Variants in KCNAB1 observed in about 807,000 individuals in gnomAD.
The protein encoded by KCNAB1 is potassium voltage-gated channel subfamily A regulatory beta subunit 1.
KCNAB1 carries 35 observed loss-of-function variants against 64.6 expected under a neutral mutation model. That is an observed-to-expected ratio of 0.54 (90% CI 0.41 to 0.72). The LOEUF (loss-of-function observed/expected upper bound fraction) is 0.72. Ranked by LOEUF, KCNAB1 falls within the 30% of genes least tolerant of loss-of-function variation. The pLI is 0.00. For missense variants in KCNAB1, 401 were observed against 512.9 expected (o/e 0.78, Z 2.11); for synonymous variants, 177 against 183.8 (o/e 0.96, Z 0.30).
intron 1 of KCNAB1, among the ~76,000 whole-genome samples, chr3:156,351,508 C>T (rs1247225557): frequency 1.3e-5 from 2 of 152,210 alleles, no homozygotes; most frequent in Admixed American, 1.3e-4. Flanking sequence ...CATTGCCCCC[C>T]AATTTCTTTT....
intron 1 of KCNAB1, among the ~76,000 whole-genome samples, chr3:156,300,057 A>G (rs562217777): frequency 3.0e-4 from 46 of 152,304 alleles, no homozygotes; most frequent in African/African-American, 9.4e-4. Context: ...AACCAAGGGC[A>G]CAGCAACAAG....
At chr3:156,467,872 G>T (rs1194521775) in intron 7 of KCNAB1, among the ~76,000 whole-genome samples, 1 of 152,028 alleles carries the variant, frequency 6.6e-6, no homozygotes, top group Non-Finnish European at 1.5e-5. Context: ...AGATGAGCTG[G>T]TCTTATTTAT....
At chr3:156,258,139 A>G (rs1028735415) in intron 1 of KCNAB1, among the ~76,000 whole-genome samples, 3 of 152,212 alleles carry the variant, frequency 2.0e-5, no homozygotes, top group East Asian at 1.9e-4. Flanking sequence ...TTAGAGTCAC[A>G]TGACCAACCC....
At chr3:156,226,711 A>AAAAAT (rs1553825096) in intron 1 of KCNAB1, among the ~76,000 whole-genome samples, 1 of 151,416 alleles carries the variant, frequency 6.6e-6, no homozygotes, top group Non-Finnish European at 1.5e-5. Flanking sequence ...AAGAAAAAGA[A>AAAAAT]AAAAGAAAAG....
chr3:156,439,213 GCAT>G (rs1327404069), intron 2 of KCNAB1, among the ~76,000 whole-genome samples: 1 of 137,332 alleles, frequency 7.3e-6, no homozygotes, highest in African/African-American at 2.8e-5. Flanking sequence ...GTGTTAATTT[GCAT>G]CATTGTGATT....
At chr3:156,283,835 C>A (rs1189776497) in intron 1 of KCNAB1, among the ~76,000 whole-genome samples, 21 of 152,054 alleles carry the variant, frequency 1.4e-4, no homozygotes, top group Non-Finnish European at 2.2e-4. Context: ...TTAAGCACTT[C>A]TCTGTATTGT....
chr3:156,422,742 C>T (rs1183892625), intron 2 of KCNAB1, among the ~76,000 whole-genome samples: 6 of 152,164 alleles, frequency 3.9e-5, no homozygotes. Flanking sequence ...AGCCCGGATC[C>T]TGGATGAGAG....
chr3:156,333,361 C>T (rs1008550742), intron 1 of KCNAB1, among the ~76,000 whole-genome samples: 4 of 151,164 alleles, frequency 2.6e-5, no homozygotes, highest in Non-Finnish European at 5.9e-5. Flanking sequence ...CACACACACA[C>T]GTGTATAGCT....
intron 1 of KCNAB1, among the ~76,000 whole-genome samples, chr3:156,314,585 G>A (rs1249023890): frequency 6.6e-6 from 1 of 152,222 alleles, no homozygotes; most frequent in Non-Finnish European, 1.5e-5. Context: ...ATGGCCCTGA[G>A]CCAAGATCTT....
Position 156,281,830 on chromosome 3 carries a change from A to G in KCNAB1, c.276-139786A>G, listed in dbSNP as rs1719745909. 2.0e-5 allele frequency among the ~76,000 whole-genome samples: 3 copies of G among 148,658 alleles called. No individual in the cohort carries two copies. The South Asian group carries it at 6.7e-4, about 33-fold the overall frequency. On this transcript the variant is annotated intron_variant, in intron 1 of 13. Transcript: ENST00000490337. ...GGTGATATCCCCTTTATCATTTTTTATTGCGTCTATTTGATTCTTCTCTCT... is the reference window on the plus strand; with the variant it reads ...GGTGATATCCCCTTTATCATTTTTTGTTGCGTCTATTTGATTCTTCTCTCT...
intron 2 of KCNAB1, among the ~76,000 whole-genome samples, chr3:156,451,210 G>A (rs1711979033): frequency 6.6e-6 from 1 of 152,184 alleles, no homozygotes; most frequent in Non-Finnish European, 1.5e-5. Context: ...ATACCAAGTG[G>A]ATCAACAGCA....
intron 1 of KCNAB1, among the ~76,000 whole-genome samples, chr3:156,145,935 G>A (rs1322823588): frequency 6.6e-6 from 1 of 152,136 alleles, no homozygotes; most frequent in Non-Finnish European, 1.5e-5. Flanking sequence ...ACCCACAGTA[G>A]TTCACAATCT....
At chr3:156,412,364 G>A (rs985294264) in intron 1 of KCNAB1, among the ~76,000 whole-genome samples, 1 of 152,176 alleles carries the variant, frequency 6.6e-6, no homozygotes, top group East Asian at 1.9e-4. Context: ...AATGCCTTCT[G>A]TCTTGCCTTA....
intron 1 of KCNAB1, among the ~76,000 whole-genome samples, chr3:156,233,658 GCTC>G (rs1716670052): frequency 6.6e-6 from 1 of 152,148 alleles, no homozygotes; most frequent in Non-Finnish European, 1.5e-5. Context: ...CTGTTAGAAA[GCTC>G]CTGCTGCCAT....
rs925541117 is a variant in KCNAB1 at position 156,297,038 on chromosome 3, A to G, written c.276-124578A>G. Among the ~76,000 whole-genome samples the G allele has an allele frequency of 2.6e-5, 4 of 152,136 alleles. No individual in the cohort carries two copies. The East Asian group carries it at 5.8e-4, about 22-fold the overall frequency. ...ATTTTTGTCTGCATGTTGTATGCCTATGTATATTTATCACATGTATAGATT... is the reference window on the plus strand; with the variant it reads ...ATTTTTGTCTGCATGTTGTATGCCTGTGTATATTTATCACATGTATAGATT... On this transcript the variant is annotated intron_variant, in intron 1 of 13. Transcript: ENST00000490337.
intron 5 of KCNAB1, 36 bp downstream of exon 5, chr3:156,459,907 G>C: frequency 6.6e-7 from 1 of 1,516,530 alleles, no homozygotes; most frequent in African/African-American, 1.4e-5. Flanking sequence ...TTTTTAAAAA[G>C]GTATTATTTT....
intron 4 of KCNAB1, among the ~76,000 whole-genome samples, 175 bp downstream of exon 4, chr3:156,457,707 G>A (rs565469037): frequency 6.6e-6 from 1 of 152,154 alleles, no homozygotes; most frequent in South Asian, 2.1e-4. Flanking sequence ...GACTGTCTCT[G>A]GCACTCTCTG....
At chr3:156,228,137 A>T (rs1484107786) in intron 1 of KCNAB1, among the ~76,000 whole-genome samples, 1 of 152,032 alleles carries the variant, frequency 6.6e-6, no homozygotes, top group African/African-American at 2.4e-5. Flanking sequence ...CTGTTCATTC[A>T]TTCCATTCCA....
At chr3:156,324,889 C>T (rs113990698) in intron 1 of KCNAB1, among the ~76,000 whole-genome samples, 94 of 152,158 alleles carry the variant, frequency 6.2e-4, no homozygotes, top group African/African-American at 2.2e-3. Flanking sequence ...TTCTTATTAA[C>T]CCCACTAGAA....
Sources: gnomAD v4.1 joint callset for allele counts (sites outside exome capture counted in the v4.1 genomes callset) on GRCh38, gnomAD v4.1.1 for gene constraint, MANE v1.5 for transcripts, NCBI Gene and HGNC (gene_info 2026-07-23, HGNC 2026-07-21) for gene names.